The following IARS1 variants were observed in gnomAD, a reference collection of about 807,000 sequenced individuals.
IARS1 encodes isoleucine--tRNA ligase, cytoplasmic.
In IARS1, 124 loss-of-function variants were observed where a neutral mutation model predicts 168.2. The observed-to-expected ratio is 0.74, with a 90% CI of 0.64 to 0.86. The LOEUF is 0.86. Among genes scored for constraint, IARS1 ranks in the 40% least tolerant of loss-of-function variants. The pLI is 0.00. For synonymous variants in IARS1, 532 were observed against 529.4 expected (o/e 1.00, Z -0.07); for missense variants, 1,452 against 1,515.8 (o/e 0.96, Z 0.70).
intron 1 of IARS1, chr9:92,292,559 T>C (rs1311654741): frequency 6.4e-6 from 1 of 155,964 alleles, no homozygotes. Flanking sequence ...ACTGGAGAGC[T>C]GTCCATGCAC....
intron 6 of IARS1, among the ~76,000 whole-genome samples, chr9:92,281,726 T>C (rs998787514): frequency 2.0e-5 from 3 of 149,414 alleles, no homozygotes; most frequent in African/African-American, 7.3e-5. Context: ...AGCTCTAAGG[T>C]AGGAAAAAAA....
chr9:92,285,899 A>G, intron 5 of IARS1, 60 bp from the exon 6 acceptor site: 1 of 941,898 alleles, frequency 1.1e-6, no homozygotes, highest in Non-Finnish European at 1.7e-6. Flanking sequence ...AAATGCAAAC[A>G]TTTATGCCAT....
chr9:92,231,107 C>A (rs1826607260), intron 30 of IARS1, among the ~76,000 whole-genome samples: 1 of 152,190 alleles, frequency 6.6e-6, no homozygotes, highest in African/African-American at 2.4e-5. Context: ...TATCACTTTT[C>A]CCTTTTAAGG....
At chr9:92,232,465 G>T (rs1467738475) in intron 30 of IARS1, among the ~76,000 whole-genome samples, 1 of 152,190 alleles carries the variant, frequency 6.6e-6, no homozygotes, top group African/African-American at 2.4e-5. Context: ...GTGAAGCTAT[G>T]AAGTATGAAG....
At position 92,286,507 on chromosome 9, in the gene IARS1, A is replaced by C. The variant is rs1362726479; in HGVS notation, c.479+29T>G. The C allele has an allele frequency of 7.7e-6, 9 of 1,170,256 alleles. No homozygotes were observed. In the South Asian group the frequency reaches 1.1e-4, roughly 15 times the overall value. The allele number at this position is 1,170,256 out of a possible 1,614,324, so 72.5% of individuals were successfully genotyped here. A position where few individuals can be genotyped will look rare whatever the true frequency, so the allele number is the denominator to read the frequency against. On this transcript the variant is annotated intron_variant, in intron 5 of 33. Transcript: ENST00000443024. Reference sequence around the variant, plus strand: ...ATCAATACAACAGAATAGAATATTTACCATATTTACAATTTTAAATAAACC... The same window carrying C: ...ATCAATACAACAGAATAGAATATTTCCCATATTTACAATTTTAAATAAACC...
rs779500482 is a variant in IARS1, at chr9:92,247,522, A to G, written c.2646T>C (p.Ser882=). The stretch of plus-strand genomic sequence containing the variant: ...GAATGCCATACTTGTTTTTATCTGT[A>G]GACAGTGTAACTTTTCGAACATTGA... ...EELNVRKVTL[S]TDKNKYGIRL... is the part of the protein sequence containing the mutation. The change falls in exon 26 of 34, where the codon TCT becomes TCC. Residue 882 remains serine, a synonymous_variant. Transcript: ENST00000443024. The G allele has an allele frequency of 8.7e-6, 14 of 1,613,974 alleles. No individual in the cohort carries two copies. The highest frequency in any genetic ancestry group is 1.2e-5 in the Non-Finnish European group (14 of 1,180,020).
chr9:92,229,112 G>A lies in IARS1; in HGVS notation c.3298C>T (p.Leu1100=), dbSNP rs766580083. 6.2e-7 allele frequency: 1 copy of A among 1,613,432 alleles called. No homozygotes were observed. The highest frequency in any genetic ancestry group is 1.1e-5 in the South Asian group (1 of 90,928). ...CTATTGTCACCTTTTGGATTTTCCA[G>A]GAGCAATACTCCACCTAAAAAGCCA... The part of the protein sequence containing the change: ...NGSEQGGVLL[L]ENPKGDNRLD... Residue 1100 remains leucine, a synonymous_variant, in exon 31 of 34, where the codon CTG becomes TTG. Transcript: ENST00000443024.
chr9:92,280,606 TAA>T (rs1298961184), intron 7 of IARS1, 138 bp downstream of exon 7: 2 of 495,406 alleles, frequency 4.0e-6, no homozygotes, highest in South Asian at 8.7e-5. Context: ...AACAAATGTT[TAA>T]AGTTATTTTT....
At chr9:92,249,602 A>C (rs1829723324) in intron 25 of IARS1, among the ~76,000 whole-genome samples, 2 of 152,166 alleles carry the variant, frequency 1.3e-5, no homozygotes, top group Admixed American at 1.3e-4. Context: ...ACAGGACAGA[A>C]AAGAACAGAA....
rs1443498685 is a variant in IARS1, at chr9:92,245,191, A to AGAGATCATTTCCCT, written c.2792-134_2792-121dup. The AGAGATCATTTCCCT allele has an allele frequency of 1.1e-5, 8 of 755,100 alleles. No individual in the cohort carries two copies. The East Asian group carries it at 1.8e-4, about 17-fold the overall frequency. 46.8% of individuals were successfully genotyped at this position (755,100 alleles called of 1,614,324 possible). A position where few individuals can be genotyped will look rare whatever the true frequency, so the allele number is the denominator to read the frequency against. On this transcript the variant is annotated intron_variant, in intron 26 of 33. Transcript: ENST00000443024. ...CAATAACAAAGCCACAGAGGCTTCA[A>AGAGATCATTTCCCT]GAGATCATTTCCCTCTGACTCATGT...
intron 4 of IARS1, among the ~76,000 whole-genome samples, chr9:92,286,975 T>C (rs1835563467): frequency 6.6e-6 from 1 of 152,132 alleles, no homozygotes; most frequent in South Asian, 2.1e-4. Context: ...GGAAAGAATC[T>C]CCCCACAAGA....
At chr9:92,247,262 G>A (rs574731177) in intron 26 of IARS1, 115 bp downstream of exon 26, 138 of 867,430 alleles carry the variant, frequency 1.6e-4, no homozygotes, top group East Asian at 2.5e-4. Context: ...AGGACACGAC[G>A]GGACACGACA....
chr9:92,278,280 G>C lies in IARS1; in HGVS notation c.752C>G (p.Ala251Gly). The C allele has an allele frequency of 6.2e-7, 1 of 1,608,816 alleles. No homozygotes were observed. The highest frequency in any genetic ancestry group is 8.5e-7 in the Non-Finnish European group (1 of 1,175,322). Residue 251 changes from alanine to glycine, a missense_variant, in exon 8 of 34, where the codon GCC becomes GGC. Coordinates refer to ENST00000443024, the MANE Select transcript of IARS1 (RefSeq NM_002161.6). ...EMQYVKIKDV[A>G]RGRLLILMEA... is the part of the protein sequence containing the mutation. Reference sequence around the variant, plus strand: ...CATTAAAATGAGTAATCGTCCTCTGGCAACATCTACGAGAAAAAGGAAAAA... The same window carrying C: ...CATTAAAATGAGTAATCGTCCTCTGCCAACATCTACGAGAAAAAGGAAAAA...
intron 30 of IARS1, among the ~76,000 whole-genome samples, chr9:92,237,388 G>A (rs2133564499): frequency 6.6e-6 from 1 of 152,304 alleles, no homozygotes; most frequent in Middle Eastern, 3.4e-3. Context: ...ACTGTGGTCA[G>A]AGAGCACACT....
chr9:92,225,803 C>T (rs1215094531), intron 31 of IARS1, among the ~76,000 whole-genome samples: 2 of 152,186 alleles, frequency 1.3e-5, no homozygotes, highest in Non-Finnish European at 1.5e-5. Flanking sequence ...AGTTTAGTAA[C>T]AGTCATTATG....
Position 92,269,933 on chromosome 9 carries a change from A to G in IARS1, c.1256T>C (p.Val419Ala). ...TAGGAGCTGGTCCACCATGTTCTCCACTCGCACAAACCAGCTGGGCACTGC... is the reference window on the plus strand; with the variant it reads ...TAGGAGCTGGTCCACCATGTTCTCCGCTCGCACAAACCAGCTGGGCACTGC... The part of the protein sequence containing the change: ...YKAVPSWFVR[V>A]ENMVDQLLRN... Residue 419 changes from valine (V) to alanine (A), a missense_variant, in exon 13 of 34, where the codon GTG becomes GCG. By Grantham distance (64) the Val-to-Ala change is moderately conservative. Transcript: ENST00000443024. The G allele has an allele frequency of 7.4e-6, 12 of 1,613,832 alleles. No individual in the cohort carries two copies. The highest frequency in any genetic ancestry group is 1.0e-5 in the Non-Finnish European group (12 of 1,179,804).
rs767195688 is a variant in IARS1 at position 92,245,035 on chromosome 9, T to G, written c.2828A>C (p.Glu943Ala). 4 of 1,614,192 alleles carry G rather than the reference T, an allele frequency of 2.5e-6. No homozygotes were observed. The highest frequency in any genetic ancestry group is 8.5e-7 in the Non-Finnish European group (1 of 1,180,028). The change falls in exon 27 of 34, where the codon GAA (glutamate) becomes GCA (alanine). Residue 943 changes from glutamate (E) to alanine (A), a missense_variant. Glu to Ala is a moderately radical substitution (Grantham distance 107). Coordinates refer to ENST00000443024, the MANE Select transcript of IARS1 (RefSeq NM_002161.6). ...IVVEGHELHDEDIRLMYTFDQ... is the reference protein window; with the variant it reads ...IVVEGHELHDADIRLMYTFDQ... Reference sequence around the variant, plus strand: ...AAAGGTGTACATGAGGCGGATGTCTTCATCGTGCAATTCATGGCCTTCCAC... The same window carrying G: ...AAAGGTGTACATGAGGCGGATGTCTGCATCGTGCAATTCATGGCCTTCCAC...
At chr9:92,219,836 C>CA (rs1297887623) in intron 33 of IARS1, among the ~76,000 whole-genome samples, 1 of 148,478 alleles carries the variant, frequency 6.7e-6, no homozygotes, top group Admixed American at 6.7e-5. Flanking sequence ...TAAACTAGTT[C>CA]AACCATTGTG....
chr9:92,272,687 T>C (rs1487790199), intron 10 of IARS1, among the ~76,000 whole-genome samples: 2 of 152,052 alleles, frequency 1.3e-5, no homozygotes, highest in Non-Finnish European at 2.9e-5. Context: ...CTGTCTCTAC[T>C]AAATTTACAA....
Sources: gnomAD v4.1 joint callset for allele counts (sites outside exome capture counted in the v4.1 genomes callset) on GRCh38, gnomAD v4.1.1 for gene constraint, MANE v1.5 for transcripts, NCBI Gene and HGNC (gene_info 2026-07-23, HGNC 2026-07-21) for gene names.